HSPA4: variants seen among roughly 807,000 people sequenced by gnomAD.
HSPA4 encodes heat shock 70 kDa protein 4.
A neutral mutation model predicts 106.2 loss-of-function variants in HSPA4; 25 were observed. The ratio of observed to expected loss-of-function variants is 0.24; its 90% CI spans 0.17 to 0.33. The LOEUF (loss-of-function observed/expected upper bound fraction) is 0.33, where lower values mean the gene tolerates loss of function less well. Ranked by LOEUF, HSPA4 falls within the 10% of genes least tolerant of loss-of-function variation. The pLI, the probability that HSPA4 is intolerant of heterozygous loss-of-function variation, is 1.00. For synonymous variants in HSPA4, 332 were observed against 333.6 expected, an observed-to-expected ratio of 1.00 and a Z score of 0.05; for missense variants, 841 against 996.0, an observed-to-expected ratio of 0.84 and a Z score of 2.10.
In HSPA4 at chr5:133,073,349, AT is replaced by A. The variant is rs750714733; in HGVS notation, c.529+27del. The A allele has an allele frequency of 7.4e-6, 11 of 1,478,210 alleles. No homozygotes were observed. Among genetic ancestry groups the A allele is most frequent in the East Asian group, 2.3e-5 (1 of 44,190 alleles). The allele number at this position is 1,478,210 out of a possible 1,614,324, so 91.6% of individuals were successfully genotyped here. Reference sequence around the variant, plus strand: ...CTGCAGGTAAGGAGGACCGTTGATTATTTTTTTGACTTGGTTAATCTTGAAG... The same window carrying A: ...CTGCAGGTAAGGAGGACCGTTGATTATTTTTTGACTTGGTTAATCTTGAAG... On this transcript the variant is annotated intron_variant, in intron 5 of 18. Coordinates refer to ENST00000304858, the MANE Select transcript of HSPA4 (RefSeq NM_002154.4).
At position 133,074,135 on chromosome 5, in the gene HSPA4, ATAT is replaced by A. The variant is rs1561579578; in HGVS notation, c.663+11_663+13del. The A allele has an allele frequency of 6.4e-7, 1 of 1,569,876 alleles. No individual in the cohort carries two copies. The highest frequency in any genetic ancestry group is 8.6e-7 in the Non-Finnish European group (1 of 1,160,124). On this transcript the variant is annotated intron_variant, in intron 6 of 18. Coordinates refer to ENST00000304858, the MANE Select transcript of HSPA4 (RefSeq NM_002154.4). The stretch of plus-strand genomic sequence containing the variant: ...ATAGAGGAAAACTGAAAGTAAGTAT[ATAT>A]TTTTTTTCCAGAAGACTGTTAGTAG...
intron 4 of HSPA4, among the ~76,000 whole-genome samples, chr5:133,071,605 C>T (rs6596101): frequency 0.022 from 3,341 of 152,228 alleles, 128 homozygotes; most frequent in African/African-American, 0.077. Context: ...GCTTTGCCAC[C>T]GAATCTCCTC....
intron 6 of HSPA4, among the ~76,000 whole-genome samples, chr5:133,074,623 G>A (rs1765425359): frequency 6.6e-6 from 1 of 152,186 alleles, no homozygotes; most frequent in South Asian, 2.1e-4. Context: ...TTACACTGGG[G>A]ATTGAGAGGG....
intron 6 of HSPA4, 75 bp from the exon 7 acceptor site, chr5:133,076,579 T>TA: frequency 7.6e-7 from 1 of 1,320,214 alleles, no homozygotes; most frequent in Non-Finnish European, 1.1e-6. Flanking sequence ...ATAAACAACT[T>TA]ACCAGGTAAA....
At chr5:133,062,930 A>G (rs1765262164) in intron 1 of HSPA4, among the ~76,000 whole-genome samples, 1 of 152,150 alleles carries the variant, frequency 6.6e-6, no homozygotes, top group African/African-American at 2.4e-5. Flanking sequence ...AGTTCATCTA[A>G]TTTAGTCAGA....
chr5:133,077,006 T>G (rs1581472075), intron 7 of HSPA4, 108 bp downstream of exon 7: 2 of 1,060,460 alleles, frequency 1.9e-6, no homozygotes, highest in East Asian at 4.9e-5. Flanking sequence ...ATATGATAAT[T>G]TTGGTTCTAT....
In HSPA4 at chr5:133,070,740, A is replaced by G. The variant is rs531212322; in HGVS notation, c.429+244A>G. Among the ~76,000 whole-genome samples the G allele has an allele frequency of 3.3e-5, 5 of 152,206 alleles. No homozygotes were observed. The South Asian group carries it at 8.3e-4, about 25-fold the overall frequency. ...AACATGGTAAAACCCCGTCTCTACT[A>G]AAAATACAAAAATTAGTTGGGCGTG... On this transcript the variant is annotated intron_variant, in intron 4 of 18. Coordinates refer to ENST00000304858, the MANE Select transcript of HSPA4 (RefSeq NM_002154.4).
At chr5:133,103,363 G>C (rs1006960893) in intron 17 of HSPA4, among the ~76,000 whole-genome samples, 16 of 150,532 alleles carry the variant, frequency 1.1e-4, no homozygotes, top group African/African-American at 1.5e-4. Context: ...AGCCCGAAAG[G>C]CCTTCTTCTT....
chr5:133,095,419 T>C (rs1765698583), intron 13 of HSPA4, among the ~76,000 whole-genome samples: 1 of 152,178 alleles, frequency 6.6e-6, no homozygotes, highest in African/African-American at 2.4e-5. Flanking sequence ...TAGTTACATA[T>C]GGCTTGTAAG....
At chr5:133,065,265 A>G (rs1405054080) in intron 2 of HSPA4, among the ~76,000 whole-genome samples, 2 of 152,272 alleles carry the variant, frequency 1.3e-5, no homozygotes, top group African/African-American at 2.4e-5. Context: ...GGGAAAAAAT[A>G]CAACACTGGA....
chr5:133,070,129 G>A (rs979758913), intron 3 of HSPA4, among the ~76,000 whole-genome samples: 3 of 151,892 alleles, frequency 2.0e-5, no homozygotes, highest in Admixed American at 6.6e-5. Flanking sequence ...ATCATGCCAC[G>A]GCGCTCCAGA....
intron 14 of HSPA4, among the ~76,000 whole-genome samples, chr5:133,096,539 G>T (rs1269713310): frequency 6.6e-6 from 1 of 152,140 alleles, no homozygotes; most frequent in African/African-American, 2.4e-5. Context: ...GAATACGTGG[G>T]TATATTTGTT....
rs1338683430 is a variant in HSPA4 at position 133,105,396 on chromosome 5, T to C, written c.*960T>C. The C allele has an allele frequency of 1.3e-5, 2 of 152,194 alleles. No homozygotes were observed. Among genetic ancestry groups the C allele is most frequent in the East Asian group, 3.8e-4 (2 of 5,198 alleles). 9.4% of individuals were successfully genotyped at this position (152,194 alleles called of 1,614,324 possible). A position where few individuals can be genotyped will look rare whatever the true frequency, so the allele number is the denominator to read the frequency against. On this transcript the variant is annotated 3_prime_UTR_variant, in exon 19 of 19. Transcript: ENST00000304858. ...AATATCTGTCATGAACCTGCCAATT[T>C]GTACGTGTTAAGCAGCTGACAGATG...
intron 3 of HSPA4, among the ~76,000 whole-genome samples, chr5:133,069,786 A>G (rs148919880): frequency 1.3e-5 from 2 of 152,272 alleles, no homozygotes; most frequent in African/African-American, 4.8e-5. Context: ...GGTGAGCTAC[A>G]CTGATTTGTC....
chr5:133,067,365 TAAAA>T, intron 2 of HSPA4, 48 bp from the exon 3 acceptor site: 1 of 1,347,986 alleles, frequency 7.4e-7, no homozygotes, highest in Non-Finnish European at 1.0e-6. Context: ...GCTGTTGAAA[TAAAA>T]AAAAAATTAG....
In HSPA4 at chr5:133,089,045, A is replaced by G. The variant is rs772096305; in HGVS notation, c.1138-10A>G. 3 of 1,522,150 alleles carry G rather than the reference A, an allele frequency of 2.0e-6. No homozygotes were observed. Among genetic ancestry groups the G allele is most frequent in the Non-Finnish European group, 2.7e-6 (3 of 1,112,054 alleles). The allele number at this position is 1,522,150 out of a possible 1,614,324, so 94.3% of individuals were successfully genotyped here. A position where few individuals can be genotyped will look rare whatever the true frequency, so the allele number is the denominator to read the frequency against. ...TTGTTAAACGGAATTTTTGAAAATT[A>G]TTATTCTAGTGTGCCATCTTATCGC... On this transcript the variant is annotated splice_polypyrimidine_tract_variant and intron_variant, in intron 9 of 18. Coordinates refer to ENST00000304858, the MANE Select transcript of HSPA4 (RefSeq NM_002154.4).
intron 13 of HSPA4, among the ~76,000 whole-genome samples, chr5:133,094,157 A>G (rs1765683182): frequency 6.6e-6 from 1 of 152,194 alleles, no homozygotes; most frequent in Admixed American, 6.5e-5. Context: ...TAAATAATGT[A>G]TTTATTTCAA....
intron 17 of HSPA4, among the ~76,000 whole-genome samples, chr5:133,103,235 G>C (rs374171696): frequency 4.0e-4 from 61 of 151,928 alleles, no homozygotes; most frequent in African/African-American, 1.4e-3. Flanking sequence ...GCTAATTTTT[G>C]TATTTTTTGT....
intron 1 of HSPA4, among the ~76,000 whole-genome samples, chr5:133,063,570 A>G (rs1376463500): frequency 2.0e-5 from 3 of 151,250 alleles, no homozygotes; most frequent in African/African-American, 7.3e-5. Flanking sequence ...AGCTGGGATT[A>G]TAGGCGCCCG....
Sources: gnomAD v4.1 joint callset for allele counts (sites outside exome capture counted in the v4.1 genomes callset) on GRCh38, gnomAD v4.1.1 for gene constraint, MANE v1.5 for transcripts, NCBI Gene and HGNC (gene_info 2026-07-23, HGNC 2026-07-21) for gene names.